Variants in NFASC observed in about 807,000 individuals in gnomAD.
NFASC encodes the protein neurofascin.
A neutral mutation model predicts 147.5 loss-of-function variants in NFASC; 43 were observed. That is an observed-to-expected ratio of 0.29 (90% CI 0.23 to 0.38). The LOEUF (loss-of-function observed/expected upper bound fraction) is 0.38. NFASC is among the 10% of genes least tolerant of loss of function. NFASC has a pLI of 1.00. For synonymous variants in NFASC, 622 were observed against 665.5 expected, an observed-to-expected ratio of 0.93 and a Z score of 1.01; for missense variants, 1,320 against 1,689.0, an observed-to-expected ratio of 0.78 and a Z score of 3.83.
chr1:204,970,918 C>A (rs902255548), intron 11 of NFASC, among the ~76,000 whole-genome samples, 171 bp downstream of exon 11: 1 of 152,222 alleles, frequency 6.6e-6, no homozygotes, highest in Non-Finnish European at 1.5e-5. Flanking sequence ...AGGCAGGAAA[C>A]CTACCCTCTC....
At chr1:204,834,378 C>G (rs1673081469) in intron 1 of NFASC, among the ~76,000 whole-genome samples, 1 of 152,194 alleles carries the variant, frequency 6.6e-6, no homozygotes, top group East Asian at 1.9e-4. Context: ...CCTGGCTTTC[C>G]TCTCCCACAT....
intron 1 of NFASC, among the ~76,000 whole-genome samples, chr1:204,868,851 T>C (rs1403881970): frequency 6.6e-6 from 1 of 152,228 alleles, no homozygotes; most frequent in Non-Finnish European, 1.5e-5. Context: ...TTATCCCCTT[T>C]TGTTCCGCTT....
chr1:204,981,147 T>A (rs1033003522), intron 20 of NFASC, among the ~76,000 whole-genome samples: 43 of 152,266 alleles, frequency 2.8e-4, no homozygotes, highest in African/African-American at 9.9e-4. Flanking sequence ...CCTGTCTTTC[T>A]GAAGGCTGCT....
intron 1 of NFASC, among the ~76,000 whole-genome samples, chr1:204,898,606 G>T (rs1308277930): frequency 6.6e-6 from 1 of 152,206 alleles, no homozygotes; most frequent in Non-Finnish European, 1.5e-5. Context: ...GGGCTGCTGG[G>T]CTGAGTGAGC....
chr1:205,014,969 C>T (rs2096323203), intron 29 of NFASC, among the ~76,000 whole-genome samples: 1 of 152,114 alleles, frequency 6.6e-6, no homozygotes, highest in African/African-American at 2.4e-5. Context: ...AGCTGCCTCC[C>T]TCACACCATC....
intron 16 of NFASC, chr1:204,977,201 C>T (rs915371132): frequency 4.3e-5 from 36 of 837,838 alleles, no homozygotes; most frequent in Middle Eastern, 5.0e-4. Flanking sequence ...CTTTCCCTCC[C>T]GCTCCATCCC....
At position 205,016,177 on chromosome 1, in the gene NFASC, A is replaced by G; in HGVS notation, c.3492-131A>G. The stretch of plus-strand genomic sequence containing the variant: ...TTCTGCAAAGCAGGCTGGACAGGGG[A>G]GGGTGAAGCGGGGGCTGGACTGGGC... On this transcript the variant is annotated intron_variant, in intron 29 of 29. Coordinates refer to ENST00000339876, the MANE Select transcript of NFASC (RefSeq NM_001005388.3). This position sits in a 1 kb window ranked among gnomAD's most constrained non-coding sequence, Gnocchi z 5.1. 1 of 696,996 alleles carries G rather than the reference A, an allele frequency of 1.4e-6. No homozygotes were observed. The highest frequency in any genetic ancestry group is 1.6e-5 in the South Asian group (1 of 61,196). 43.2% of individuals were successfully genotyped at this position (696,996 alleles called of 1,614,324 possible).
chr1:204,995,315 A>AGTGTGTGTGTGTGTGT (rs60921990), intron 24 of NFASC, among the ~76,000 whole-genome samples: 7 of 140,886 alleles, frequency 5.0e-5, no homozygotes, highest in African/African-American at 1.3e-4. Flanking sequence ...ATGTGTGCAC[A>AGTGTGTGTGTGTGTGT]GTGTGTGTGT....
chr1:204,877,024 AT>A (rs1359058149), intron 1 of NFASC, among the ~76,000 whole-genome samples: 2,019 of 99,676 alleles, frequency 0.02, 96 homozygotes, highest in African/African-American at 0.053. Context: ...ATATATATAT[AT>A]ATAATATATA....
intron 28 of NFASC, among the ~76,000 whole-genome samples, chr1:205,011,612 G>C (rs997707531): frequency 6.6e-6 from 1 of 152,194 alleles, no homozygotes; most frequent in Non-Finnish European, 1.5e-5. Flanking sequence ...CAGCTACAGA[G>C]TAAGCCCCTG....
chr1:204,994,347 T>A (rs1388288837), intron 24 of NFASC, among the ~76,000 whole-genome samples: 4 of 152,208 alleles, frequency 2.6e-5, no homozygotes, highest in Non-Finnish European at 5.9e-5. Flanking sequence ...CTCTCATCCT[T>A]ACCTCTGCCC....
chr1:204,833,200 T>C (rs190245409), intron 1 of NFASC, among the ~76,000 whole-genome samples: 1 of 152,250 alleles, frequency 6.6e-6, no homozygotes, highest in Non-Finnish European at 1.5e-5. Flanking sequence ...GTCACCATTA[T>C]CGAGTTCTTT....
chr1:205,004,492 T>C (rs2096065456), intron 27 of NFASC, among the ~76,000 whole-genome samples: 1 of 152,064 alleles, frequency 6.6e-6, no homozygotes, highest in South Asian at 2.1e-4. Flanking sequence ...AGAGCTGGAG[T>C]GGGCAGGTTG....
chr1:204,936,198 C>CTTTTTTTTTTTTTTTTTTTTTTTT lies in NFASC; in HGVS notation c.-90-8023_-90-8022insTTTTTTTTTTTTTTTTTTTTTTTT, dbSNP rs749844237. On this transcript the variant is annotated intron_variant, in intron 2 of 29. Transcript: ENST00000339876. ...TAACAGATTCCCTCTCTCTCTCTTT[C>CTTTTTTTTTTTTTTTTTTTTTTTT]TTTTTCTTTTTTTTTTTTTTTGAGA... 2.8e-5 allele frequency among the ~76,000 whole-genome samples: 2 copies of CTTTTTTTTTTTTTTTTTTTTTTTT among 71,880 alleles called. 1 individual carries two copies. The highest frequency in any genetic ancestry group is 4.8e-5 in the Non-Finnish European group (2 of 41,802). The allele number at this position is 71,880 out of a possible 152,430, so 47.2% of individuals were successfully genotyped here. A position where few individuals can be genotyped will look rare whatever the true frequency, so the allele number is the denominator to read the frequency against.
At chr1:204,961,329 C>T (rs1051997466) in intron 8 of NFASC, among the ~76,000 whole-genome samples, 3 of 152,238 alleles carry the variant, frequency 2.0e-5, no homozygotes, top group South Asian at 4.1e-4. Flanking sequence ...ACCTCCAGAA[C>T]GTTCAGGAGG....
intron 8 of NFASC, among the ~76,000 whole-genome samples, chr1:204,966,319 G>T (rs960654702): frequency 6.6e-6 from 1 of 152,094 alleles, no homozygotes; most frequent in Non-Finnish European, 1.5e-5. Context: ...TAAATTAAAC[G>T]TCCATAGGGT....
intron 1 of NFASC, among the ~76,000 whole-genome samples, chr1:204,903,120 T>TC (rs898622566): frequency 6.6e-6 from 1 of 152,110 alleles, no homozygotes; most frequent in East Asian, 1.9e-4. Context: ...GATTGCCAAG[T>TC]CCCCCCTACC....
chr1:204,923,858 G>A (rs997423783), intron 2 of NFASC, among the ~76,000 whole-genome samples: 5 of 152,102 alleles, frequency 3.3e-5, no homozygotes, highest in African/African-American at 1.2e-4. Context: ...CCTCCTTTCT[G>A]CTGCAGTGAT....
intron 1 of NFASC, 76 bp downstream of exon 1, chr1:204,828,858 G>T: frequency 1.1e-6 from 1 of 945,316 alleles, no homozygotes; most frequent in Non-Finnish European, 1.3e-6. Flanking sequence ...CCTTGTTCCC[G>T]CCCTCGTCTG....
Sources: gnomAD v4.1 joint callset for allele counts (sites outside exome capture counted in the v4.1 genomes callset) on GRCh38, gnomAD v4.1.1 for gene constraint, Gnocchi (gnomAD v3.1) non-coding constraint, MANE v1.5 for transcripts, NCBI Gene and HGNC (gene_info 2026-07-23, HGNC 2026-07-21) for gene names.